Variants in CCDC38 observed in about 807,000 individuals in gnomAD.
The protein encoded by CCDC38 is coiled-coil domain-containing protein 38.
In CCDC38, 69 loss-of-function variants were observed where a neutral mutation model predicts 72.8. That is an observed-to-expected ratio of 0.95 (90% CI 0.78 to 1.16). The LOEUF is 1.16. Ranked by LOEUF, CCDC38 falls within the 50% of genes most tolerant of loss-of-function variation. CCDC38 has a pLI of 0.00. For synonymous variants in CCDC38, 201 were observed against 213.2 expected (o/e 0.94, Z 0.50); for missense variants, 626 against 638.9 (o/e 0.98, Z 0.22).
intron 14 of CCDC38, among the ~76,000 whole-genome samples, chr12:95,872,010 G>C (rs1565940583): frequency 6.6e-6 from 1 of 152,074 alleles, no homozygotes; most frequent in Non-Finnish European, 1.5e-5. Context: ...GGTGAACTCT[G>C]TTCACCCAGT....
chr12:95,935,511 T>C lies in CCDC38; in HGVS notation c.37+962A>G, dbSNP rs143557102. 17 of 322,946 alleles carry C rather than the reference T, an allele frequency of 5.3e-5. No individual in the cohort carries two copies. The East Asian group carries it at 1.7e-3, about 33-fold the overall frequency. 20.0% of individuals were successfully genotyped at this position (322,946 alleles called of 1,614,324 possible). A position where few individuals can be genotyped will look rare whatever the true frequency, so the allele number is the denominator to read the frequency against. On this transcript the variant is annotated intron_variant, in intron 2 of 15. Transcript: ENST00000344280. ...TGATGTGAACCTCCATATGGAATGC[T>C]TGTATCCAGACTTAACCTGAGAGAG...
chr12:95,871,592 T>G (rs981213696), intron 14 of CCDC38, among the ~76,000 whole-genome samples: 1 of 152,094 alleles, frequency 6.6e-6, no homozygotes, highest in Non-Finnish European at 1.5e-5. Flanking sequence ...CAGATCTCCT[T>G]TGAAGGGCAC....
chr12:95,889,033 CTTTTTT>C (rs63374760), intron 9 of CCDC38: 5 of 84,160 alleles, frequency 5.9e-5, no homozygotes, highest in South Asian at 6.6e-4. Context: ...ATTGTCTCAG[CTTTTTT>C]TTTTTTTTTT....
chr12:95,899,258 AT>A (rs1321049397), intron 5 of CCDC38, among the ~76,000 whole-genome samples: 1 of 152,068 alleles, frequency 6.6e-6, no homozygotes, highest in Non-Finnish European at 1.5e-5. Context: ...AGTTCCTTCT[AT>A]TTTTTTAGTA....
chr12:95,895,623 G>A (rs1294363148), intron 7 of CCDC38, among the ~76,000 whole-genome samples: 3 of 151,818 alleles, frequency 2.0e-5, no homozygotes, highest in African/African-American at 7.3e-5. Context: ...TATGGTGGTG[G>A]GCGCCTGTAA....
chr12:95,891,974 T>A (rs2079831819), intron 8 of CCDC38, among the ~76,000 whole-genome samples: 2 of 152,026 alleles, frequency 1.3e-5, no homozygotes, highest in Admixed American at 1.3e-4. Context: ...GGGCTGCCCC[T>A]GGCTCCCATC....
intron 8 of CCDC38, among the ~76,000 whole-genome samples, chr12:95,893,445 TC>T: frequency 9.2e-6 from 1 of 108,548 alleles, no homozygotes; most frequent in East Asian, 3.6e-4. Context: ...CTCCCTCCCT[TC>T]CTTCCTTCTT....
intron 14 of CCDC38, among the ~76,000 whole-genome samples, chr12:95,871,596 A>G (rs1034089455): frequency 1.3e-5 from 2 of 152,116 alleles, no homozygotes; most frequent in African/African-American, 4.8e-5. Flanking sequence ...TCTCCTTTGA[A>G]GGGCACCAAG....
chr12:95,933,432 T>A (rs759342588), intron 2 of CCDC38: 12 of 152,172 alleles, frequency 7.9e-5, no homozygotes, highest in Non-Finnish European at 1.8e-4. Flanking sequence ...AATAAACATA[T>A]GAAGAGTTGT....
chr12:95,881,584 C>A, intron 10 of CCDC38, 30 bp from the exon 11 acceptor site: 1 of 1,579,462 alleles, frequency 6.3e-7, no homozygotes, highest in South Asian at 1.1e-5. Flanking sequence ...AAGAAAATGT[C>A]TGATTTGTGA....
In CCDC38 at chr12:95,917,274, G is replaced by A. The variant is rs1407985768; in HGVS notation, c.159C>T (p.Asn53=). Residue 53 remains asparagine, a synonymous_variant, in exon 4 of 16, where the codon AAC becomes AAT. Coordinates refer to ENST00000344280, the MANE Select transcript of CCDC38 (RefSeq NM_182496.3). ...AAGTAGTTTTCTGGTAGACTTTCATGTTACGGTTCATAAATTTTTCCTGCC... is the reference window on the plus strand; with the variant it reads ...AAGTAGTTTTCTGGTAGACTTTCATATTACGGTTCATAAATTTTTCCTGCC... The part of the protein sequence containing the change: ...AKETEKFMNR[N]MKVYQKTTFS... The A allele has an allele frequency of 6.3e-7, 1 of 1,595,478 alleles. No individual in the cohort carries two copies. Among genetic ancestry groups the A allele is most frequent in the Admixed American group, 1.9e-5 (1 of 53,990 alleles).
At chr12:95,929,869 T>G (rs912523389) in intron 2 of CCDC38, among the ~76,000 whole-genome samples, 3 of 152,162 alleles carry the variant, frequency 2.0e-5, no homozygotes, top group African/African-American at 7.2e-5. Flanking sequence ...GTGAAGCCTC[T>G]AGGGGAGAAT....
intron 4 of CCDC38, among the ~76,000 whole-genome samples, chr12:95,912,656 T>C (rs1565959342): frequency 6.6e-6 from 1 of 152,226 alleles, no homozygotes; most frequent in African/African-American, 2.4e-5. Flanking sequence ...TTTGAGGTGA[T>C]GAATATGCTC....
At chr12:95,917,081 A>T in intron 4 of CCDC38, 48 bp downstream of exon 4, 1 of 1,474,816 alleles carries the variant, frequency 6.8e-7, no homozygotes, top group Non-Finnish European at 9.1e-7. Context: ...ACCTGACATT[A>T]ATAGTAAATA....
At chr12:95,886,402 CTAGGGAAAACGTTT>C (rs1283468930) in intron 10 of CCDC38, among the ~76,000 whole-genome samples, 2 of 152,066 alleles carry the variant, frequency 1.3e-5, no homozygotes, top group African/African-American at 4.8e-5. Flanking sequence ...GAGTCTAAGG[CTAGGGAAAACGTTT>C]TAGAATTGAC....
intron 2 of CCDC38, among the ~76,000 whole-genome samples, chr12:95,923,176 A>C (rs2080227474): frequency 6.6e-6 from 1 of 152,082 alleles, no homozygotes; most frequent in Non-Finnish European, 1.5e-5. Flanking sequence ...AGGCTTTCTG[A>C]GTCTGACTGA....
intron 4 of CCDC38, among the ~76,000 whole-genome samples, chr12:95,913,395 A>C (rs373014723): frequency 6.6e-6 from 1 of 152,238 alleles, no homozygotes; most frequent in Non-Finnish European, 1.5e-5. Flanking sequence ...TGGGAATGGG[A>C]TCGGATGGGA....
chr12:95,936,523 C>G lies in CCDC38; in HGVS notation c.-14G>C, dbSNP rs2080396001. 6.3e-6 allele frequency: 10 copies of G among 1,595,270 alleles called. No individual in the cohort carries two copies. Among genetic ancestry groups the G allele is most frequent in the Non-Finnish European group, 8.5e-6 (10 of 1,175,104 alleles). ...ATTTGAGGACATTTTCTTGCCTGGC[C>G]CTGTTGAAAGAAAAAAAAATACGTT... On this transcript the variant is annotated splice_region_variant and 5_prime_UTR_variant, in exon 2 of 16. Coordinates refer to ENST00000344280, the MANE Select transcript of CCDC38 (RefSeq NM_182496.3).
chr12:95,884,450 G>T (rs1339738524), intron 10 of CCDC38, among the ~76,000 whole-genome samples: 1 of 152,238 alleles, frequency 6.6e-6, no homozygotes, highest in Non-Finnish European at 1.5e-5. Context: ...TGGAGAGTCA[G>T]ACTGTGTTTA....
Sources: gnomAD v4.1 joint callset for allele counts (sites outside exome capture counted in the v4.1 genomes callset) on GRCh38, gnomAD v4.1.1 for gene constraint, MANE v1.5 for transcripts, NCBI Gene and HGNC (gene_info 2026-07-23, HGNC 2026-07-21) for gene names.